Variants in FGF12 observed in about 807,000 individuals in gnomAD.
FGF12 encodes the protein fibroblast growth factor 12, also known as fibroblast growth factor 12B.
In FGF12, 14 loss-of-function variants were observed where a neutral mutation model predicts 23.6. The observed-to-expected ratio is 0.59, with a 90% CI of 0.39 to 0.93. The LOEUF is 0.93. Ranked by LOEUF, FGF12 falls within the 40% of genes least tolerant of loss-of-function variation. The pLI, the probability that FGF12 is intolerant of heterozygous loss-of-function variation, is 0.00. For synonymous variants in FGF12, 62 were observed against 77.3 expected, an observed-to-expected ratio of 0.80 and a Z score of 1.04; for missense variants, 175 against 217.8, an observed-to-expected ratio of 0.80 and a Z score of 1.24.
At chr3:192,325,533 CT>C (rs1024706098) in intron 4 of FGF12, among the ~76,000 whole-genome samples, 3 of 152,110 alleles carry the variant, frequency 2.0e-5, no homozygotes, top group Admixed American at 1.3e-4. Context: ...ACGTCACTCA[CT>C]TGCTGTCCCA....
intron 2 of FGF12, among the ~76,000 whole-genome samples, chr3:192,673,883 A>G (rs1489781232): frequency 2.0e-5 from 3 of 151,132 alleles, no homozygotes; most frequent in East Asian, 1.9e-4. Flanking sequence ...AGAATGATCT[A>G]TATTTCCTTT....
intron 2 of FGF12, among the ~76,000 whole-genome samples, chr3:192,720,044 G>A (rs1718993089): frequency 6.6e-6 from 1 of 152,226 alleles, no homozygotes; most frequent in Non-Finnish European, 1.5e-5. Flanking sequence ...GCTTGGTAAA[G>A]GACTCTTTGG....
At chr3:192,387,718 A>AAC (rs1553806689) in intron 2 of FGF12, among the ~76,000 whole-genome samples, 14 of 147,488 alleles carry the variant, frequency 9.5e-5, no homozygotes, top group Non-Finnish European at 1.8e-4. Context: ...ACACACACAC[A>AAC]ATATATATAT....
chr3:192,460,384 T>C (rs1722824422), intron 2 of FGF12, among the ~76,000 whole-genome samples: 2 of 152,172 alleles, frequency 1.3e-5, no homozygotes, highest in Non-Finnish European at 2.9e-5. Context: ...TGTCTGAGCT[T>C]TGCCCACAGC....
chr3:192,245,664 A>G (rs1168524822), intron 4 of FGF12, among the ~76,000 whole-genome samples: 2 of 152,212 alleles, frequency 1.3e-5, no homozygotes, highest in Non-Finnish European at 2.9e-5. Context: ...TTGCATGGTA[A>G]TCATTATTCA....
chr3:192,671,284 A>C (rs887513280), intron 2 of FGF12, among the ~76,000 whole-genome samples: 1 of 152,224 alleles, frequency 6.6e-6, no homozygotes. Context: ...CTAGTAGTAC[A>C]GTAAAATAAT....
At chr3:192,407,454 G>A (rs1721008351) in intron 2 of FGF12, among the ~76,000 whole-genome samples, 1 of 152,112 alleles carries the variant, frequency 6.6e-6, no homozygotes, top group Non-Finnish European at 1.5e-5. Flanking sequence ...AAAATGAAGA[G>A]GTGAGAAATT....
At chr3:192,277,456 A>T (rs1661356598) in intron 4 of FGF12, among the ~76,000 whole-genome samples, 1 of 152,212 alleles carries the variant, frequency 6.6e-6, no homozygotes, top group African/African-American at 2.4e-5. Flanking sequence ...ACGGTTTTCA[A>T]GGGAAACCAA....
At chr3:192,527,759 A>G (rs2108849294) in intron 2 of FGF12, among the ~76,000 whole-genome samples, 1 of 152,356 alleles carries the variant, frequency 6.6e-6, no homozygotes, top group East Asian at 1.9e-4. Context: ...TAAAAAAGAA[A>G]GAGGTTTAAT....
In FGF12 at chr3:192,156,315, C is replaced by G. The variant is rs1268356809; in HGVS notation, c.428-12188G>C. Among the ~76,000 whole-genome samples, 4 of 152,142 alleles carry G rather than the reference C, an allele frequency of 2.6e-5. 1 individual carries two copies. Among genetic ancestry groups the G allele is most frequent in the Non-Finnish European group, 5.9e-5 (4 of 68,016 alleles). On this transcript the variant is annotated intron_variant, in intron 5 of 5. Coordinates refer to ENST00000445105, the MANE Select transcript of FGF12 (RefSeq NM_004113.6). Reference sequence around the variant, plus strand: ...TCTCATATGAAATTGGAAGCAAATCCTCTAATTTAGACAATATGGGATGTT... The same window carrying G: ...TCTCATATGAAATTGGAAGCAAATCGTCTAATTTAGACAATATGGGATGTT...
At chr3:192,677,197 C>T (rs1717356278) in intron 2 of FGF12, among the ~76,000 whole-genome samples, 1 of 152,194 alleles carries the variant, frequency 6.6e-6, no homozygotes, top group African/African-American at 2.4e-5. Context: ...TTCCTCCTTC[C>T]TCACCTTCCA....
chr3:192,481,869 G>A lies in FGF12; in HGVS notation c.14-121331C>T, dbSNP rs527861132. ...AAGTATCCTAACCACTATGCAACAT[G>A]TATTGCTCAATTGTTCACAGAGCCT... is the stretch of plus-strand genomic sequence containing the variant. On this transcript the variant is annotated intron_variant, in intron 2 of 5. Coordinates refer to ENST00000445105, the MANE Select transcript of FGF12 (RefSeq NM_004113.6). Among the ~76,000 whole-genome samples, 5 of 152,276 alleles carry A rather than the reference G, an allele frequency of 3.3e-5. No homozygotes were observed. In the South Asian group the frequency reaches 1.0e-3, roughly 32 times the overall value.
At chr3:192,165,844 T>C (rs541876764) in intron 5 of FGF12, among the ~76,000 whole-genome samples, 2 of 152,344 alleles carry the variant, frequency 1.3e-5, no homozygotes, top group East Asian at 1.9e-4. Context: ...TCAGGGTTCC[T>C]GGACTGCAAC....
At chr3:192,651,007 T>C (rs1716196588) in intron 2 of FGF12, among the ~76,000 whole-genome samples, 1 of 152,228 alleles carries the variant, frequency 6.6e-6, no homozygotes, top group Non-Finnish European at 1.5e-5. Flanking sequence ...TAAGAAGATA[T>C]TGATTATCTG....
At chr3:192,148,698 G>A (rs189199560) in intron 5 of FGF12, among the ~76,000 whole-genome samples, 1 of 152,258 alleles carries the variant, frequency 6.6e-6, no homozygotes, top group African/African-American at 2.4e-5. Flanking sequence ...GACTATTAAA[G>A]CCAGAGGTGT....
chr3:192,145,314 T>G (rs1713635674), intron 5 of FGF12, among the ~76,000 whole-genome samples: 1 of 152,236 alleles, frequency 6.6e-6, no homozygotes, highest in Non-Finnish European at 1.5e-5. Flanking sequence ...TAGAAATAAA[T>G]TGTTTTGGCT....
intron 4 of FGF12, among the ~76,000 whole-genome samples, chr3:192,326,197 C>A (rs959271874): frequency 1.3e-5 from 2 of 152,058 alleles, no homozygotes; most frequent in African/African-American, 4.8e-5. Flanking sequence ...GCATTAAGAA[C>A]AAATTCTAAC....
rs568099057 is a variant in FGF12 at position 192,327,455 on chromosome 3, TTTAG to T, written c.228+7902_228+7905del. Among the ~76,000 whole-genome samples, 305 of 152,218 alleles carry T rather than the reference TTTAG, an allele frequency of 2.0e-3. 2 individuals are homozygous for T. The highest frequency in any genetic ancestry group is 6.8e-3 in the African/African-American group (283 of 41,544). On this transcript the variant is annotated intron_variant, in intron 4 of 5. Transcript: ENST00000445105. ...CGCACAATTTGACTTTAGTTTATCCTTTAGTTAAAAAAAATTCTCATTTAGTTCA... is the reference window on the plus strand; with the variant it reads ...CGCACAATTTGACTTTAGTTTATCCTTTAAAAAAAATTCTCATTTAGTTCA...
At chr3:192,515,834 C>CTTTT (rs10681949) in intron 2 of FGF12, among the ~76,000 whole-genome samples, 4 of 147,658 alleles carry the variant, frequency 2.7e-5, no homozygotes, top group Non-Finnish European at 4.5e-5. Flanking sequence ...CCCCTTGACT[C>CTTTT]TTTTTTTTTT....
Sources: allele counts gnomAD v4.1 joint callset (sites outside exome capture counted in the v4.1 genomes callset), GRCh38; gene constraint gnomAD v4.1.1; transcripts MANE v1.5; gene names NCBI Gene and HGNC (gene_info 2026-07-23, HGNC 2026-07-21).